Variants in HS6ST3 observed in about 807,000 individuals in gnomAD.
The protein encoded by HS6ST3 is heparan-sulfate 6-O-sulfotransferase 3.
In HS6ST3, 12 loss-of-function variants were observed where a neutral mutation model predicts 36.7. The ratio of observed to expected loss-of-function variants is 0.33; its 90% CI spans 0.21 to 0.53. The LOEUF is 0.53. HS6ST3 is among the 20% of genes least tolerant of loss of function. The pLI is 0.95. For missense variants in HS6ST3, 584 were observed against 640.9 expected (o/e 0.91, Z 0.96); for synonymous variants, 240 against 257.5 (o/e 0.93, Z 0.65).
intron 1 of HS6ST3, among the ~76,000 whole-genome samples, chr13:96,369,366 T>C (rs983020859): frequency 6.6e-6 from 1 of 152,096 alleles, no homozygotes; most frequent in Admixed American, 6.5e-5. Context: ...CTTTCCTCAG[T>C]TTTCTGCTTG....
At chr13:96,494,886 C>G (rs2055967091) in intron 1 of HS6ST3, among the ~76,000 whole-genome samples, 1 of 152,126 alleles carries the variant, frequency 6.6e-6, no homozygotes, top group Non-Finnish European at 1.5e-5. Flanking sequence ...TGAATCTCTC[C>G]TTGATACATG....
At chr13:96,161,076 G>A (rs922900452) in intron 1 of HS6ST3, among the ~76,000 whole-genome samples, 2 of 152,066 alleles carry the variant, frequency 1.3e-5, no homozygotes, top group African/African-American at 2.4e-5. Context: ...AGGCATTGGC[G>A]CAAGGTTCAT....
intron 1 of HS6ST3, among the ~76,000 whole-genome samples, chr13:96,119,759 C>A (rs1301158953): frequency 6.6e-6 from 1 of 152,050 alleles, no homozygotes; most frequent in Non-Finnish European, 1.5e-5. Flanking sequence ...TTCTGCTCCC[C>A]CAGTTTTCAC....
intron 1 of HS6ST3, among the ~76,000 whole-genome samples, chr13:96,829,036 C>T (rs2138547645): frequency 6.6e-6 from 1 of 152,280 alleles, no homozygotes; most frequent in South Asian, 2.1e-4. Flanking sequence ...ATTGATTTAG[C>T]TTCTCTACTG....
At chr13:96,129,951 C>G (rs1270366678) in intron 1 of HS6ST3, among the ~76,000 whole-genome samples, 1 of 152,090 alleles carries the variant, frequency 6.6e-6, no homozygotes, top group East Asian at 1.9e-4. Flanking sequence ...ATGAAGCCAC[C>G]ATGATGATGG....
chr13:96,237,764 G>C (rs1214160014), intron 1 of HS6ST3, among the ~76,000 whole-genome samples: 2 of 152,114 alleles, frequency 1.3e-5, no homozygotes, highest in Admixed American at 6.5e-5. Context: ...GTCCTTATTG[G>C]TCTTAAGCTT....
intron 1 of HS6ST3, among the ~76,000 whole-genome samples, chr13:96,571,281 A>T (rs900831661): frequency 6.6e-6 from 1 of 152,180 alleles, no homozygotes; most frequent in Admixed American, 6.5e-5. Flanking sequence ...ACCATCCTGC[A>T]TGTGCATGCA....
chr13:96,121,062 A>G (rs1297910226), intron 1 of HS6ST3, among the ~76,000 whole-genome samples: 1 of 152,210 alleles, frequency 6.6e-6, no homozygotes, highest in African/African-American at 2.4e-5. Context: ...GAGACCTAAA[A>G]CAGAAACTGT....
intron 1 of HS6ST3, among the ~76,000 whole-genome samples, chr13:96,562,169 A>G (rs1369001743): frequency 6.6e-6 from 1 of 152,240 alleles, no homozygotes; most frequent in Non-Finnish European, 1.5e-5. Context: ...AATGTGGTAC[A>G]TATACAACAT....
chr13:96,812,463 A>G (rs1231991154), intron 1 of HS6ST3, among the ~76,000 whole-genome samples: 1 of 152,130 alleles, frequency 6.6e-6, no homozygotes, highest in African/African-American at 2.4e-5. Context: ...CTTCTATATA[A>G]AAACACACCA....
chr13:96,294,971 A>C (rs964586115), intron 1 of HS6ST3, among the ~76,000 whole-genome samples: 1 of 152,168 alleles, frequency 6.6e-6, no homozygotes. Flanking sequence ...TTCCTTCCTT[A>C]GTTTTGTAAA....
intron 1 of HS6ST3, among the ~76,000 whole-genome samples, chr13:96,245,891 A>G (rs958444485): frequency 6.6e-6 from 1 of 152,126 alleles, no homozygotes; most frequent in Non-Finnish European, 1.5e-5. Context: ...GAATGTGGGA[A>G]TAGGGGAACA....
intron 1 of HS6ST3, among the ~76,000 whole-genome samples, chr13:96,131,939 A>G (rs1195193246): frequency 2.0e-5 from 3 of 152,072 alleles, no homozygotes; most frequent in Admixed American, 2.0e-4. Flanking sequence ...ATGGTACTCT[A>G]CTTTTTATAA....
intron 1 of HS6ST3, among the ~76,000 whole-genome samples, chr13:96,473,728 C>T (rs1020208765): frequency 2.0e-5 from 3 of 152,002 alleles, no homozygotes; most frequent in Non-Finnish European, 2.9e-5. Flanking sequence ...ATAGGAAGGT[C>T]GAGTCGGGAA....
rs953146704 is a variant in HS6ST3, at chr13:96,837,923, G to A, written c.*4725G>A. 6.6e-5 allele frequency: 10 copies of A among 151,776 alleles called. No individual in the cohort carries two copies. The highest frequency in any genetic ancestry group is 2.4e-4 in the African/African-American group (10 of 41,306). 9.4% of individuals were successfully genotyped at this position (151,776 alleles called of 1,614,324 possible). A position where few individuals can be genotyped will look rare whatever the true frequency, so the allele number is the denominator to read the frequency against. ...CCTGGTACTTTGTCAGCAACATACT[G>A]CTTTCATTCTTAAAGGTTTCATTGG... On this transcript the variant is annotated 3_prime_UTR_variant, in exon 2 of 2. Transcript: ENST00000376705.
rs115395755 is a variant in HS6ST3, at chr13:96,812,604, C to T, written c.708-19886C>T. On this transcript the variant is annotated intron_variant, in intron 1 of 1. Transcript: ENST00000376705. ...ACAATGATGATCTATCTGCACAGAA[C>T]GGCAGTTTGCCTAACAATTATTAGC... is the stretch of plus-strand genomic sequence containing the variant. Among the ~76,000 whole-genome samples, 993 of 152,290 alleles carry T rather than the reference C, an allele frequency of 6.5e-3. 8 individuals carry two copies. Among genetic ancestry groups the T allele is most frequent in the African/African-American group, 0.022 (894 of 41,572 alleles).
intron 1 of HS6ST3, among the ~76,000 whole-genome samples, chr13:96,690,093 C>T (rs1443522477): frequency 6.6e-6 from 1 of 152,090 alleles, no homozygotes; most frequent in Non-Finnish European, 1.5e-5. Context: ...ATGTTGGACT[C>T]ATTCCTTACG....
At chr13:96,647,103 C>G (rs527366993) in intron 1 of HS6ST3, among the ~76,000 whole-genome samples, 13 of 152,040 alleles carry the variant, frequency 8.6e-5, no homozygotes, top group Non-Finnish European at 1.2e-4. Flanking sequence ...CTGCATCATC[C>G]GTCAGACACT....
intron 1 of HS6ST3, among the ~76,000 whole-genome samples, chr13:96,556,708 A>G (rs2056242273): frequency 6.6e-6 from 1 of 152,170 alleles, no homozygotes; most frequent in Non-Finnish European, 1.5e-5. Context: ...GGACTATGCA[A>G]TACAGGTGAG....
Sources: allele counts gnomAD v4.1 joint callset (sites outside exome capture counted in the v4.1 genomes callset), GRCh38; gene constraint gnomAD v4.1.1; transcripts MANE v1.5; gene names NCBI Gene and HGNC (gene_info 2026-07-23, HGNC 2026-07-21).